Variants in NOTCH3 observed in about 807,000 individuals in gnomAD.
NOTCH3 encodes the protein notch receptor 3.
Under a neutral mutation model 213.3 loss-of-function variants are expected in NOTCH3, and 86 were observed. That is an observed-to-expected ratio of 0.40 (90% CI 0.34 to 0.48). NOTCH3 has a LOEUF of 0.48. NOTCH3 is among the 20% of genes least tolerant of loss of function. NOTCH3 has a pLI of 0.57. For synonymous variants in NOTCH3, 1,354 were observed against 1,355.9 expected (o/e 1.00, Z 0.03); for missense variants, 2,783 against 3,272.6 (o/e 0.85, Z 3.65).
At chr19:15,186,491 G>A (rs561541930) in intron 12 of NOTCH3, among the ~76,000 whole-genome samples, 5 of 150,836 alleles carry the variant, frequency 3.3e-5, no homozygotes, top group Admixed American at 6.6e-5. Flanking sequence ...TGCCGCCTCC[G>A]CCTCCTGAGG....
chr19:15,169,977 G>C (rs2046717086), intron 28 of NOTCH3, 109 bp downstream of exon 28: 1 of 681,110 alleles, frequency 1.5e-6, no homozygotes, highest in Non-Finnish European at 2.7e-6. Context: ...AGGGAGGTGG[G>C]GACAGCGGTG....
In NOTCH3 at chr19:15,192,978, T is replaced by C. The variant is rs1026732421; in HGVS notation, c.198-459A>G. On this transcript the variant is annotated intron_variant, in intron 2 of 32. Transcript: ENST00000263388. ...CAACGAATATTTACTGAGTACCTAC[T>C]ACGTTCTGAGCAATACAAATACAGC... Among the ~76,000 whole-genome samples the C allele has an allele frequency of 3.3e-5, 5 of 152,110 alleles. No individual in the cohort carries two copies. In the South Asian group the frequency reaches 6.2e-4, roughly 19 times the overall value.
chr19:15,161,945 G>A (rs891400078), intron 32 of NOTCH3, among the ~76,000 whole-genome samples: 1 of 151,520 alleles, frequency 6.6e-6, no homozygotes, highest in Non-Finnish European at 1.5e-5. Flanking sequence ...TGAGTTAAGC[G>A]AGGTACTCAC....
intron 27 of NOTCH3, 76 bp from the exon 28 acceptor site, chr19:15,170,246 G>C (rs2045402341): frequency 1.3e-6 from 2 of 1,506,424 alleles, no homozygotes; most frequent in East Asian, 2.3e-5. Flanking sequence ...TTGGGGTGGG[G>C]TCAGAGGTCT....
chr19:15,179,006 C>A lies in NOTCH3; in HGVS notation c.3718+19G>T, dbSNP rs1225548245. ...AATGACAGGCGGGGTCCCAGGCCAG[C>A]CCCTTCGCCAACGCTTACCTGAGAA... On this transcript the variant is annotated intron_variant, in intron 22 of 32. Transcript: ENST00000263388. The A allele has an allele frequency of 1.9e-6, 3 of 1,614,190 alleles. No individual in the cohort carries two copies. Among genetic ancestry groups the A allele is most frequent in the African/African-American group, 1.3e-5 (1 of 75,066 alleles).
In NOTCH3 at chr19:15,184,986, G is replaced by A. The variant is rs1166093165; in HGVS notation, c.2330C>T (p.Pro777Leu). Residue 777 changes from proline to leucine, a missense_variant, in exon 15 of 33, where the codon CCG becomes CTG. By Grantham distance (98) the Pro-to-Leu change is moderately conservative. Coordinates refer to ENST00000263388, the MANE Select transcript of NOTCH3 (RefSeq NM_000435.3). ...GCGGCCCCCATGCTCACAGGGGTTC[G>A]GGGTGCAGGGGGAGAGGAGTTCACA... The part of the protein sequence containing the change: ...RQCELLSPCT[P>L]NPCEHGGRCE... 21 of 1,537,180 alleles carry A rather than the reference G, an allele frequency of 1.4e-5. No individual in the cohort carries two copies. Among genetic ancestry groups the A allele is most frequent in the Middle Eastern group, 1.7e-4 (1 of 5,722 alleles).
At chr19:15,169,409 C>CTTT (rs528133159) in intron 28 of NOTCH3, among the ~76,000 whole-genome samples, 1 of 142,476 alleles carries the variant, frequency 7.0e-6, no homozygotes. Context: ...TGCTGTGGGA[C>CTTT]TTTTTTTTTT....
chr19:15,187,054 C>T (rs776906070), intron 11 of NOTCH3, 51 bp downstream of exon 11: 11 of 1,605,498 alleles, frequency 6.9e-6, no homozygotes, highest in East Asian at 2.2e-5. Flanking sequence ...CATTCCCAAA[C>T]CCTCTGTGCC....
chr19:15,177,803 G>A lies in NOTCH3; in HGVS notation c.4125C>T (p.Pro1375=). Reference sequence around the variant, plus strand: ...CCTCCGAGACCTCGGGTGCCGCGGCGGGCGCCTCGCAGCGCGGCCCGGTCC... The same window carrying A: ...CCTCCGAGACCTCGGGTGCCGCGGCAGGCGCCTCGCAGCGCGGCCCGGTCC... ...QGWTGPRCEA[P]AAAPEVSEEP... Residue 1375 remains proline, a synonymous_variant, in exon 24 of 33, where the codon CCC becomes CCT. Coordinates refer to ENST00000263388, the MANE Select transcript of NOTCH3 (RefSeq NM_000435.3). The A allele has an allele frequency of 7.9e-7, 1 of 1,265,788 alleles. No individual in the cohort carries two copies. Among genetic ancestry groups the A allele is most frequent in the Non-Finnish European group, 9.9e-7 (1 of 1,011,814 alleles). The allele number at this position is 1,265,788 out of a possible 1,614,324, so 78.4% of individuals were successfully genotyped here.
In NOTCH3 at chr19:15,161,546, T is replaced by A; in HGVS notation, c.6082A>T (p.Ser2028Cys). The A allele has an allele frequency of 1.2e-6, 2 of 1,606,828 alleles. No individual in the cohort carries two copies. Among genetic ancestry groups the A allele is most frequent in the Non-Finnish European group, 1.7e-6 (2 of 1,177,030 alleles). Residue 2028 changes from serine (S) to cysteine (C), a missense_variant, in exon 33 of 33, where the codon AGT becomes TGT. Physicochemically the swap from Ser to Cys is moderately radical, Grantham distance 112. Coordinates refer to ENST00000263388, the MANE Select transcript of NOTCH3 (RefSeq NM_000435.3). ...GGACCGGGGGGGCTGCGGGGCCCAC[T>A]GGGTTGATCCAGCAAGCGCACGATG... is the stretch of plus-strand genomic sequence containing the variant. ...QDIVRLLDQP[S>C]GPRSPPGPHG...
rs768216292 is a variant in NOTCH3 at position 15,186,899 on chromosome 19, C to T, written c.1930G>A (p.Val644Ile). 1.9e-6 allele frequency: 3 copies of T among 1,614,194 alleles called. No homozygotes were observed. The highest frequency in any genetic ancestry group is 1.7e-5 in the Admixed American group (1 of 60,032). ...CCACCTGTGAAGCCAGGTTGGCAGA[C>T]ACAGTCGTAGCGGTTGATGCCATCA... Reference protein sequence around the residue: ...CRDGINRYDCVCQPGFTGPLC... With the variant: ...CRDGINRYDCICQPGFTGPLC... The change falls in exon 12 of 33, where the codon GTC (valine) becomes ATC (isoleucine). Residue 644 changes from valine (V) to isoleucine (I), a missense_variant. This residue lies in a region of NOTCH3 where 708 missense variants were observed against 906.6 expected (regional missense o/e 0.78). Transcript: ENST00000263388.
chr19:15,187,059 T>C lies in NOTCH3; in HGVS notation c.1840+46A>G, dbSNP rs759888338. On this transcript the variant is annotated intron_variant, in intron 11 of 32. Coordinates refer to ENST00000263388, the MANE Select transcript of NOTCH3 (RefSeq NM_000435.3). ...CTAGATGCACCATTCCCAAACCCTCTGTGCCCCTCCAGGTGTGCTGTTTCT... is the reference window on the plus strand; with the variant it reads ...CTAGATGCACCATTCCCAAACCCTCCGTGCCCCTCCAGGTGTGCTGTTTCT... 3.1e-6 allele frequency: 5 copies of C among 1,606,862 alleles called. No individual in the cohort carries two copies. In the South Asian group the frequency reaches 5.5e-5, roughly 18 times the overall value.
chr19:15,161,730 CCA>C lies in NOTCH3; in HGVS notation c.5914-18_5914-17del, dbSNP rs1347933300. ...GGGTCTCCTCCTGGGGGGCCAGAACCCACAGAGGTCAGCGAAACCCCAGCTAA... is the reference window on the plus strand; with the variant it reads ...GGGTCTCCTCCTGGGGGGCCAGAACCCAGAGGTCAGCGAAACCCCAGCTAA... On this transcript the variant is annotated splice_polypyrimidine_tract_variant and intron_variant, in intron 32 of 32. Coordinates refer to ENST00000263388, the MANE Select transcript of NOTCH3 (RefSeq NM_000435.3). 1 of 1,610,634 alleles carries C rather than the reference CCA, an allele frequency of 6.2e-7. No individual in the cohort carries two copies. The highest frequency in any genetic ancestry group is 8.5e-7 in the Non-Finnish European group (1 of 1,178,032).
Position 15,185,612 on chromosome 19 carries a change from C to T in NOTCH3, c.2019G>A (p.Val673=), listed in dbSNP as rs373603087. 2.5e-6 allele frequency: 4 copies of T among 1,613,540 alleles called. No individual in the cohort carries two copies. In the African/African-American group the frequency reaches 4.0e-5, roughly 16 times the overall value. ...SSPCGEGGSC[V]DGENGFRCLC... ...GGCAGCGGAAGCCATTTTCCCCATC[C>T]ACACAGGAACCTCCCTCGCCGCATG... is the stretch of plus-strand genomic sequence containing the variant. The change falls in exon 13 of 33, where the codon GTG becomes GTA. Residue 673 remains valine (V), a synonymous_variant. Coordinates refer to ENST00000263388, the MANE Select transcript of NOTCH3 (RefSeq NM_000435.3). This position sits in a 1 kb window ranked among gnomAD's most constrained non-coding sequence, Gnocchi z 4.2.
In NOTCH3 at chr19:15,187,000, G is replaced by A. The variant is rs1413674058; in HGVS notation, c.1841-12C>T. 1 of 1,613,140 alleles carries A rather than the reference G, an allele frequency of 6.2e-7. No homozygotes were observed. The highest frequency in any genetic ancestry group is 1.3e-5 in the African/African-American group (1 of 74,890). On this transcript the variant is annotated splice_polypyrimidine_tract_variant and intron_variant, in intron 11 of 32. Coordinates refer to ENST00000263388, the MANE Select transcript of NOTCH3 (RefSeq NM_000435.3). ...TTCGCAGTTCACACCTAGGGGCCAG[G>A]AACATGGCATGGAGTGGCCACCACT...
Position 15,175,403 on chromosome 19 carries a change from G to A in NOTCH3, c.4404-1003C>T, listed in dbSNP as rs897156136. On this transcript the variant is annotated intron_variant, in intron 24 of 32. Coordinates refer to ENST00000263388, the MANE Select transcript of NOTCH3 (RefSeq NM_000435.3). The stretch of plus-strand genomic sequence containing the variant: ...ACAAAAATTAGTCAGGCATGGTGGC[G>A]GGCGCCTGTAATCCCAGCTACTCGG... Among the ~76,000 whole-genome samples, 8 of 149,994 alleles carry A rather than the reference G, an allele frequency of 5.3e-5. No homozygotes were observed. The East Asian group carries it at 5.9e-4, about 11-fold the overall frequency.
intron 18 of NOTCH3, 39 bp from the exon 19 acceptor site, chr19:15,180,867 G>A: frequency 1.2e-6 from 2 of 1,608,780 alleles, no homozygotes; most frequent in South Asian, 1.1e-5. Flanking sequence ...TGTGGGGTGG[G>A]GGGTAGTCTG....
rs754854894 is a variant in NOTCH3 at position 15,167,214 on chromosome 19, A to AG, written c.5362+34dup. The AG allele has an allele frequency of 1.1e-5, 18 of 1,603,022 alleles. 1 individual carries two copies. The highest frequency in any genetic ancestry group is 3.3e-5 in the South Asian group (3 of 90,910). ...TAACCTCTCACAGGTAGGATGGGTG[A>AG]GGGGCATCCCTTTGGGAGGGGCACT... On this transcript the variant is annotated intron_variant, in intron 29 of 32. Coordinates refer to ENST00000263388, the MANE Select transcript of NOTCH3 (RefSeq NM_000435.3).
intron 1 of NOTCH3, among the ~76,000 whole-genome samples, 157 bp from the exon 2 acceptor site, chr19:15,197,735 C>CT (rs1491154513): frequency 4.2e-4 from 2 of 4,786 alleles, no homozygotes; most frequent in South Asian, 0.01. Context: ...AGTTCCCACG[C>CT]CCCCCCCCCC....
Sources: gnomAD v4.1 joint callset for allele counts (sites outside exome capture counted in the v4.1 genomes callset) on GRCh38, gnomAD v4.1.1 for gene constraint, gnomAD v4.1.1 regional missense constraint, Gnocchi (gnomAD v3.1) non-coding constraint, MANE v1.5 for transcripts, NCBI Gene and HGNC (gene_info 2026-07-23, HGNC 2026-07-21) for gene names.